The following ARHGAP26 variants were observed in gnomAD, a reference collection of about 807,000 sequenced individuals.
The protein encoded by ARHGAP26 is Rho GTPase activating protein 26, also known as rho GTPase-activating protein 26.
In ARHGAP26, 38 loss-of-function variants were observed where a neutral mutation model predicts 104.8. The ratio of observed to expected loss-of-function variants is 0.36; its 90% CI spans 0.28 to 0.48. The LOEUF (loss-of-function observed/expected upper bound fraction) is 0.48. ARHGAP26 is among the 20% of genes least tolerant of loss of function. The pLI, the probability that ARHGAP26 is intolerant of heterozygous loss-of-function variation, is 0.99. For missense variants in ARHGAP26, 704 were observed against 947.9 expected, an observed-to-expected ratio of 0.74 and a Z score of 3.38; for synonymous variants, 341 against 340.0, an observed-to-expected ratio of 1.00 and a Z score of -0.03.
chr5:142,854,166 T>G (rs188097685), intron 1 of ARHGAP26, among the ~76,000 whole-genome samples: 6 of 152,370 alleles, frequency 3.9e-5, no homozygotes, highest in Admixed American at 3.9e-4. Context: ...TATACATTCA[T>G]GAAGCCACCA....
At chr5:142,915,107 C>T (rs1006694717) in intron 10 of ARHGAP26, among the ~76,000 whole-genome samples, 7 of 152,100 alleles carry the variant, frequency 4.6e-5, no homozygotes, top group East Asian at 1.9e-4. Flanking sequence ...GCTTTTTAGG[C>T]GATTAAAGCT....
intron 1 of ARHGAP26, among the ~76,000 whole-genome samples, chr5:142,861,076 G>A (rs1404738678): frequency 6.6e-6 from 1 of 152,148 alleles, no homozygotes; most frequent in African/African-American, 2.4e-5. Flanking sequence ...AGTGGCAAGG[G>A]GTACTCCTTG....
rs1811741485 is a variant in ARHGAP26, at chr5:143,227,189, G to C, written c.*4743G>C. On this transcript the variant is annotated 3_prime_UTR_variant, in exon 23 of 23. Coordinates refer to ENST00000645722, the MANE Select transcript of ARHGAP26 (RefSeq NM_001135608.3). ...ACAGCAGTGGCCACCATGGCACCCA[G>C]AGTTTGCCCAAGTACTGAATGTTTT... The C allele has an allele frequency of 4.3e-6, 1 of 230,192 alleles. No individual in the cohort carries two copies. The highest frequency in any genetic ancestry group is 1.8e-4 in the South Asian group (1 of 5,510). 14.3% of individuals were successfully genotyped at this position (230,192 alleles called of 1,614,324 possible). A position where few individuals can be genotyped will look rare whatever the true frequency, so the allele number is the denominator to read the frequency against.
intron 1 of ARHGAP26, among the ~76,000 whole-genome samples, chr5:142,822,639 AC>A (rs1440959627): frequency 1.5e-4 from 23 of 152,092 alleles, no homozygotes; most frequent in Non-Finnish European, 3.1e-4. Context: ...CATATATCTC[AC>A]CATGTGTGTG....
rs191780172 is a variant in ARHGAP26, at chr5:143,016,651, C to G, written c.1144+2535C>G. 1.7e-3 allele frequency among the ~76,000 whole-genome samples: 235 copies of G among 138,812 alleles called. 2 individuals are homozygous for G. Among genetic ancestry groups the G allele is most frequent in the Non-Finnish European group, 5.3e-4 (35 of 66,092 alleles). 91.1% of individuals were successfully genotyped at this position (138,812 alleles called of 152,430 possible). ...CTGAGAGGCAGAGGTTGCAGTGAGC[C>G]AAGATCGTGCTATTGCACTCCATCC... On this transcript the variant is annotated intron_variant, in intron 12 of 22. Coordinates refer to ENST00000645722, the MANE Select transcript of ARHGAP26 (RefSeq NM_001135608.3).
At chr5:143,182,909 T>C (rs1035699037) in intron 20 of ARHGAP26, among the ~76,000 whole-genome samples, 1 of 152,100 alleles carries the variant, frequency 6.6e-6, no homozygotes, top group African/African-American at 2.4e-5. Context: ...TAATCCTGTG[T>C]GACATAGATC....
intron 20 of ARHGAP26, among the ~76,000 whole-genome samples, chr5:143,205,932 A>C (rs1808477959): frequency 6.6e-6 from 1 of 152,238 alleles, no homozygotes; most frequent in African/African-American, 2.4e-5. Flanking sequence ...TTATGTTCTA[A>C]AAATATACGT....
Position 143,013,824 on chromosome 5 carries a change from T to A in ARHGAP26, c.1108-256T>A, listed in dbSNP as rs564163300. Among the ~76,000 whole-genome samples, 4 of 152,390 alleles carry A rather than the reference T, an allele frequency of 2.6e-5. No homozygotes were observed. The South Asian group carries it at 8.3e-4, about 32-fold the overall frequency. ...ATTTATGTACGCATATACATTTACT[T>A]GCTTTCTTAAAAAGAGGGAATTTTT... On this transcript the variant is annotated intron_variant, in intron 11 of 22. Coordinates refer to ENST00000645722, the MANE Select transcript of ARHGAP26 (RefSeq NM_001135608.3).
At chr5:143,186,073 C>G (rs1484285825) in intron 20 of ARHGAP26, among the ~76,000 whole-genome samples, 2 of 152,200 alleles carry the variant, frequency 1.3e-5, no homozygotes, top group Non-Finnish European at 2.9e-5. Context: ...AATGGCCCAC[C>G]TGCCACCCTC....
At chr5:143,144,697 T>A (rs577852350) in intron 19 of ARHGAP26, among the ~76,000 whole-genome samples, 29 of 152,368 alleles carry the variant, frequency 1.9e-4, no homozygotes, top group African/African-American at 7.0e-4. Flanking sequence ...CATGAACCAC[T>A]ATGCTTGGCT....
intron 17 of ARHGAP26, among the ~76,000 whole-genome samples, chr5:143,077,411 T>A (rs1167264669): frequency 6.6e-6 from 1 of 152,156 alleles, no homozygotes; most frequent in Admixed American, 6.5e-5. Flanking sequence ...CCCAGAGAGA[T>A]CTGACATAGA....
intron 18 of ARHGAP26, among the ~76,000 whole-genome samples, chr5:143,131,870 CA>C (rs3836773): frequency 0.28 from 42,862 of 151,968 alleles, 8,972 homozygotes; most frequent in African/African-American, 0.58. Context: ...AGGGGATGGC[CA>C]AAATAAACAG....
intron 1 of ARHGAP26, among the ~76,000 whole-genome samples, chr5:142,780,743 G>A (rs988557256): frequency 6.6e-5 from 10 of 152,088 alleles, no homozygotes; most frequent in Non-Finnish European, 1.2e-4. Flanking sequence ...CAGGAGATTC[G>A]GCAGGTTTGT....
intron 14 of ARHGAP26, among the ~76,000 whole-genome samples, chr5:143,046,293 G>A (rs925141588): frequency 1.3e-5 from 2 of 152,088 alleles, no homozygotes; most frequent in African/African-American, 4.8e-5. Context: ...GACAGAGCAA[G>A]ACTCAGTCTC....
intron 17 of ARHGAP26, among the ~76,000 whole-genome samples, chr5:143,092,415 C>T (rs1791591187): frequency 6.6e-6 from 1 of 152,126 alleles, no homozygotes; most frequent in African/African-American, 2.4e-5. Flanking sequence ...CCGCCCACCT[C>T]GGCCTCCCAA....
intron 4 of ARHGAP26, among the ~76,000 whole-genome samples, chr5:142,882,630 TAAG>T (rs1757165735): frequency 6.6e-6 from 1 of 152,204 alleles, no homozygotes; most frequent in Non-Finnish European, 1.5e-5. Context: ...GTGTTCTTGA[TAAG>T]AAGGAGGCAG....
At chr5:143,144,516 C>T (rs535488923) in intron 19 of ARHGAP26, among the ~76,000 whole-genome samples, 2 of 152,244 alleles carry the variant, frequency 1.3e-5, no homozygotes, top group South Asian at 4.1e-4. Context: ...AGCAGTTCTC[C>T]TGCCTCAGCC....
At chr5:142,961,833 G>GT (rs536533005) in intron 11 of ARHGAP26, among the ~76,000 whole-genome samples, 102 of 152,266 alleles carry the variant, frequency 6.7e-4, no homozygotes, top group Admixed American at 1.5e-3. Flanking sequence ...CATTTGAAGT[G>GT]TTTTTTAGTT....
intron 11 of ARHGAP26, among the ~76,000 whole-genome samples, chr5:142,998,733 T>TA (rs985163291): frequency 3.3e-5 from 5 of 150,884 alleles, no homozygotes; most frequent in Non-Finnish European, 7.4e-5. Context: ...CCCCACCCCC[T>TA]AAAAAAAGAA....
Sources: gnomAD v4.1 joint callset for allele counts (sites outside exome capture counted in the v4.1 genomes callset) on GRCh38, gnomAD v4.1.1 for gene constraint, MANE v1.5 for transcripts, NCBI Gene and HGNC (gene_info 2026-07-23, HGNC 2026-07-21) for gene names.